Variants in PDE11A observed in about 807,000 individuals in gnomAD.
PDE11A encodes dual 3',5'-cyclic-AMP and -GMP phosphodiesterase 11A.
In PDE11A, 100 loss-of-function variants were observed where a neutral mutation model predicts 100.5. The ratio of observed to expected loss-of-function variants is 1.00; its 90% CI spans 0.85 to 1.18. PDE11A has a LOEUF of 1.18. PDE11A is among the 50% of genes most tolerant of loss of function. The probability of loss-of-function intolerance (pLI) is 0.00; values close to 1 mark genes in which losing one functional copy is unlikely to be tolerated. For synonymous variants in PDE11A, 381 were observed against 420.8 expected, an observed-to-expected ratio of 0.91 and a Z score of 1.16; for missense variants, 1,141 against 1,152.6, an observed-to-expected ratio of 0.99 and a Z score of 0.15.
chr2:177,663,863 T>C lies in PDE11A; in HGVS notation c.2646+3A>G. The C allele has an allele frequency of 6.5e-7, 1 of 1,526,980 alleles. No homozygotes were observed. The allele number at this position is 1,526,980 out of a possible 1,614,324, so 94.6% of individuals were successfully genotyped here. On this transcript the variant is annotated splice_donor_region_variant and intron_variant, in intron 19 of 19. Transcript: ENST00000286063. ...ACATGTAGGCCCTCCCAAATCAAAG[T>C]ACCTGATACAAAGGCATGCAGATGC...
At chr2:177,773,676 C>T (rs914799643) in intron 9 of PDE11A, among the ~76,000 whole-genome samples, 1 of 152,138 alleles carries the variant, frequency 6.6e-6, no homozygotes, top group African/African-American at 2.4e-5. Flanking sequence ...CTGAGAGTTC[C>T]TGTTTGTAGG....
chr2:177,653,548 G>A (rs755322588), intron 19 of PDE11A, among the ~76,000 whole-genome samples: 10 of 152,210 alleles, frequency 6.6e-5, no homozygotes, highest in Non-Finnish European at 1.2e-4. Flanking sequence ...TAGTTATCAA[G>A]GTAAGGTGAG....
intron 1 of PDE11A, among the ~76,000 whole-genome samples, chr2:178,053,557 A>AAAGAGG (rs1441700494): frequency 2.0e-4 from 31 of 152,182 alleles, no homozygotes; most frequent in African/African-American, 7.2e-4. Flanking sequence ...TCAATTAGGA[A>AAAGAGG]AAGAGGAAGT....
At chr2:177,906,519 G>A (rs1186045253) in intron 2 of PDE11A, among the ~76,000 whole-genome samples, 1 of 152,154 alleles carries the variant, frequency 6.6e-6, no homozygotes, top group Non-Finnish European at 1.5e-5. Flanking sequence ...AAGAATTTCA[G>A]AGCCATATAA....
intron 3 of PDE11A, among the ~76,000 whole-genome samples, chr2:177,901,221 G>A (rs541217023): frequency 3.9e-5 from 6 of 151,948 alleles, no homozygotes; most frequent in Non-Finnish European, 4.4e-5. Context: ...CACCCAGATC[G>A]ATAAATTGGC....
chr2:177,670,700 G>A (rs963629285), intron 17 of PDE11A, among the ~76,000 whole-genome samples: 10 of 152,126 alleles, frequency 6.6e-5, no homozygotes, highest in Non-Finnish European at 1.2e-4. Flanking sequence ...ATTTAACTCC[G>A]TTGATCTCTC....
chr2:177,947,788 AAAAAT>A (rs2085461614), intron 2 of PDE11A, among the ~76,000 whole-genome samples: 1 of 184 alleles, frequency 5.4e-3, no homozygotes, highest in Non-Finnish European at 0.026. Flanking sequence ...AAAAAAATAA[AAAAAT>A]AAAAAAAAAA....
chr2:178,097,098 G>C (rs1287149827), intron 2 of PDE11A, among the ~76,000 whole-genome samples: 2 of 152,152 alleles, frequency 1.3e-5, no homozygotes, highest in African/African-American at 4.8e-5. Flanking sequence ...GTGTTAGCCA[G>C]GATGGTCTTG....
chr2:178,017,254 C>T (rs181927064), intron 1 of PDE11A, among the ~76,000 whole-genome samples: 1 of 152,196 alleles, frequency 6.6e-6, no homozygotes, highest in Non-Finnish European at 1.5e-5. Flanking sequence ...AAGAGAGGTA[C>T]ACAAATGTTC....
chr2:177,800,177 ATT>A (rs2082769012), intron 9 of PDE11A, among the ~76,000 whole-genome samples: 1 of 84,870 alleles, frequency 1.2e-5, no homozygotes, highest in East Asian at 6.4e-4. Context: ...AATTAAAAAA[ATT>A]TTTCTTTTTT....
chr2:178,019,658 A>G (rs553695796), intron 1 of PDE11A, among the ~76,000 whole-genome samples: 24 of 152,322 alleles, frequency 1.6e-4, no homozygotes, highest in African/African-American at 5.5e-4. Flanking sequence ...TTGGTGGTCC[A>G]GGTAAGGTAT....
At chr2:178,107,365 T>G (rs1255723837) in intron 1 of PDE11A, among the ~76,000 whole-genome samples, 2 of 150,616 alleles carry the variant, frequency 1.3e-5, no homozygotes, top group Non-Finnish European at 2.9e-5. Flanking sequence ...CTATCAGCAT[T>G]TCATATTTCA....
intron 2 of PDE11A, among the ~76,000 whole-genome samples, chr2:177,985,888 G>A (rs754843864): frequency 1.6e-4 from 24 of 152,214 alleles, no homozygotes; most frequent in Non-Finnish European, 1.6e-4. Context: ...TTGCAGAAGG[G>A]TGGAATTGCC....
intron 18 of PDE11A, among the ~76,000 whole-genome samples, chr2:177,665,550 G>A (rs896515894): frequency 6.6e-6 from 1 of 150,504 alleles, no homozygotes; most frequent in East Asian, 1.9e-4. Context: ...TACACAAAAT[G>A]TTTCTTTAAA....
At chr2:177,733,155 A>G (rs2081719176) in intron 10 of PDE11A, among the ~76,000 whole-genome samples, 1 of 152,216 alleles carries the variant, frequency 6.6e-6, no homozygotes, top group Non-Finnish European at 1.5e-5. Context: ...ATCAAAGTCA[A>G]TTTCTCCAAA....
chr2:177,870,353 A>G (rs2084109196), intron 5 of PDE11A, among the ~76,000 whole-genome samples: 1 of 152,230 alleles, frequency 6.6e-6, no homozygotes, highest in African/African-American at 2.4e-5. Flanking sequence ...CTCATTGGAC[A>G]CACATATTAA....
At chr2:177,804,402 T>C (rs1342329981) in intron 9 of PDE11A, among the ~76,000 whole-genome samples, 1 of 152,000 alleles carries the variant, frequency 6.6e-6, no homozygotes, top group African/African-American at 2.4e-5. Flanking sequence ...CCAGTTATAA[T>C]AGCTATTATT....
intron 1 of PDE11A, among the ~76,000 whole-genome samples, chr2:178,038,446 C>T (rs2086643805): frequency 1.3e-5 from 2 of 151,218 alleles, no homozygotes; most frequent in East Asian, 1.9e-4. Context: ...GAAAATCAAG[C>T]AATAAAGAAG....
chr2:177,994,703 T>C (rs1436851312), intron 2 of PDE11A, among the ~76,000 whole-genome samples: 1 of 152,194 alleles, frequency 6.6e-6, no homozygotes, highest in Non-Finnish European at 1.5e-5. Flanking sequence ...AAGACAAGAA[T>C]GTAAGAAGCA....
Sources: allele counts gnomAD v4.1 joint callset (sites outside exome capture counted in the v4.1 genomes callset), GRCh38; gene constraint gnomAD v4.1.1; transcripts MANE v1.5; gene names NCBI Gene and HGNC (gene_info 2026-07-23, HGNC 2026-07-21).